Variants in EVI5 observed in about 807,000 individuals in gnomAD.
EVI5 encodes the protein ecotropic viral integration site 5 protein homolog.
In EVI5, 73 loss-of-function variants were observed where a neutral mutation model predicts 112.0. The observed-to-expected ratio is 0.65, with a 90% CI of 0.54 to 0.79. The LOEUF is 0.79. EVI5 is among the 30% of genes least tolerant of loss of function. EVI5 has a pLI of 0.00. For missense variants in EVI5, 900 were observed against 968.8 expected (o/e 0.93, Z 0.94); for synonymous variants, 305 against 319.9 (o/e 0.95, Z 0.50).
chr1:92,630,582 A>G (rs1455463034), intron 14 of EVI5, among the ~76,000 whole-genome samples: 2 of 111,292 alleles, frequency 1.8e-5, no homozygotes, highest in South Asian at 3.3e-4. Context: ...TTCGTCAGAT[A>G]AGTAGATTGC....
chr1:92,722,617 T>C (rs1488871561), intron 2 of EVI5, among the ~76,000 whole-genome samples: 6 of 152,100 alleles, frequency 3.9e-5, no homozygotes, highest in Non-Finnish European at 8.8e-5. Context: ...CTCTATTTAA[T>C]AGTCCCTTTC....
intron 1 of EVI5, among the ~76,000 whole-genome samples, chr1:92,757,708 C>T (rs1681155150): frequency 6.6e-6 from 1 of 151,672 alleles, no homozygotes; most frequent in Admixed American, 6.6e-5. Flanking sequence ...TTGAGACCAG[C>T]CTGGCCAACA....
At chr1:92,658,065 C>T (rs910185258) in intron 13 of EVI5, among the ~76,000 whole-genome samples, 1 of 152,052 alleles carries the variant, frequency 6.6e-6, no homozygotes, top group Non-Finnish European at 1.5e-5. Context: ...CAAGCCATAT[C>T]ATAGGCATTG....
upstream of EVI5, among the ~76,000 whole-genome samples, chr1:92,787,687 C>A (rs1468366056): frequency 2.0e-5 from 3 of 151,528 alleles, no homozygotes; most frequent in African/African-American, 7.3e-5. Flanking sequence ...CCGAAGTGAG[C>A]CATGATCGTG....
chr1:92,611,968 AACTG>A (rs1348048232), intron 16 of EVI5, among the ~76,000 whole-genome samples: 8 of 152,100 alleles, frequency 5.3e-5, no homozygotes, highest in East Asian at 1.9e-4. Flanking sequence ...GAGCAAAAAT[AACTG>A]ACTAACAGGT....
rs879800077 is a variant in EVI5 at position 92,586,733 on chromosome 1, C to CT, written c.2070+18573dup. On this transcript the variant is annotated intron_variant, in intron 18 of 19. Coordinates refer to ENST00000684568, the MANE Select transcript of EVI5 (RefSeq NM_001350197.2). The stretch of plus-strand genomic sequence containing the variant: ...GTCCCCGTCCTAGAATCAGCCATTT[C>CT]TTTTTTTTTTTAATTTTATTATTAT... Among the ~76,000 whole-genome samples the CT allele has an allele frequency of 4.6e-3, 637 of 138,082 alleles. 3 individuals carry two copies. The highest frequency in any genetic ancestry group is 8.0e-3 in the Admixed American group (109 of 13,598). 90.6% of individuals were successfully genotyped at this position (138,082 alleles called of 152,430 possible). A position where few individuals can be genotyped will look rare whatever the true frequency, so the allele number is the denominator to read the frequency against.
chr1:92,631,639 G>T (rs1657132659), intron 14 of EVI5, among the ~76,000 whole-genome samples: 1 of 152,142 alleles, frequency 6.6e-6, no homozygotes, highest in African/African-American at 2.4e-5. Context: ...GGGACAATTT[G>T]ACTTCCTCTT....
At chr1:92,675,569 C>T (rs945076409) in intron 10 of EVI5, among the ~76,000 whole-genome samples, 4 of 151,816 alleles carry the variant, frequency 2.6e-5, no homozygotes, top group East Asian at 1.9e-4. Flanking sequence ...TCCGAATATT[C>T]GTAGTATGTG....
intron 16 of EVI5, among the ~76,000 whole-genome samples, chr1:92,611,767 TAAG>T (rs537286639): frequency 1.8e-3 from 256 of 142,264 alleles, no homozygotes; most frequent in African/African-American, 6.4e-3. Context: ...CTGTCAAATA[TAAG>T]AAGAGAGAAG....
chr1:92,624,403 G>A lies in EVI5; in HGVS notation c.1669-69C>T, dbSNP rs544903953. 64 of 1,249,026 alleles carry A rather than the reference G, an allele frequency of 5.1e-5. 1 individual carries two copies. The highest frequency in any genetic ancestry group is 4.8e-4 in the South Asian group (38 of 78,446). 77.4% of individuals were successfully genotyped at this position (1,249,026 alleles called of 1,614,324 possible). ...AAAATAAGAGCTAATATTACTGAGC[G>A]CTTATTTCAGGCCTGTGATATATAA... is the stretch of plus-strand genomic sequence containing the variant. On this transcript the variant is annotated intron_variant, in intron 15 of 19. Coordinates refer to ENST00000684568, the MANE Select transcript of EVI5 (RefSeq NM_001350197.2).
chr1:92,765,213 T>TC (rs1346472449), intron 1 of EVI5, among the ~76,000 whole-genome samples: 3 of 130,610 alleles, frequency 2.3e-5, no homozygotes, highest in South Asian at 2.9e-4. Context: ...TTTTTTTCCT[T>TC]CCTTTTTTTT....
intron 1 of EVI5, among the ~76,000 whole-genome samples, chr1:92,776,962 C>T (rs1377956266): frequency 6.6e-6 from 1 of 152,192 alleles, no homozygotes; most frequent in African/African-American, 2.4e-5. Context: ...GCCACCACGC[C>T]TGGCTAATTT....
At chr1:92,550,967 A>C (rs1253269784) in intron 19 of EVI5, among the ~76,000 whole-genome samples, 11 of 145,302 alleles carry the variant, frequency 7.6e-5, no homozygotes, top group Admixed American at 1.4e-4. Flanking sequence ...AATAAAAAAA[A>C]CCCAAAATCC....
chr1:92,591,965 C>T (rs1300372965), intron 18 of EVI5, among the ~76,000 whole-genome samples: 15 of 152,340 alleles, frequency 9.8e-5, no homozygotes, highest in African/African-American at 3.4e-4. Flanking sequence ...TCACTCAAGC[C>T]GGGCGCGGTG....
chr1:92,695,105 C>T (rs1365311482), intron 7 of EVI5, among the ~76,000 whole-genome samples: 1 of 152,222 alleles, frequency 6.6e-6, no homozygotes, highest in African/African-American at 2.4e-5. Context: ...CTCTAAGTCT[C>T]AACTTCCTCA....
intron 9 of EVI5, among the ~76,000 whole-genome samples, chr1:92,685,221 C>T (rs1297301845): frequency 2.0e-5 from 3 of 152,102 alleles, no homozygotes; most frequent in Non-Finnish European, 4.4e-5. Flanking sequence ...GACAACAGTG[C>T]AATTAAATTA....
chr1:92,557,160 C>G (rs570262478), intron 19 of EVI5, among the ~76,000 whole-genome samples: 9 of 152,096 alleles, frequency 5.9e-5, no homozygotes, highest in African/African-American at 2.2e-4. Context: ...GAAACCAATA[C>G]AATGATTATT....
At chr1:92,782,572 C>A (rs1223436491) in intron 1 of EVI5, among the ~76,000 whole-genome samples, 3 of 152,148 alleles carry the variant, frequency 2.0e-5, no homozygotes, top group Non-Finnish European at 2.9e-5. Flanking sequence ...TACTGTACCT[C>A]TACTAGACTA....
chr1:92,607,497 A>G, intron 17 of EVI5, 84 bp downstream of exon 17: 1 of 977,792 alleles, frequency 1.0e-6, no homozygotes, highest in Non-Finnish European at 1.4e-6. Flanking sequence ...TTTGTTTTTA[A>G]GATAATCTAA....
Sources: allele counts gnomAD v4.1 joint callset (sites outside exome capture counted in the v4.1 genomes callset), GRCh38; gene constraint gnomAD v4.1.1; transcripts MANE v1.5; gene names NCBI Gene and HGNC (gene_info 2026-07-23, HGNC 2026-07-21).